The following HPSE2 variants were observed in gnomAD, a reference collection of about 807,000 sequenced individuals.
HPSE2 encodes the protein heparanase 2 (inactive).
In HPSE2, 38 loss-of-function variants were observed where a neutral mutation model predicts 60.5. That is an observed-to-expected ratio of 0.63 (90% CI 0.48 to 0.82). HPSE2 has a LOEUF of 0.82. HPSE2 is among the 40% of genes least tolerant of loss of function. The probability of loss-of-function intolerance (pLI) is 0.00; values close to 1 mark genes in which losing one functional copy is unlikely to be tolerated. For synonymous variants in HPSE2, 295 were observed against 293.2 expected, an observed-to-expected ratio of 1.01 and a Z score of -0.06; for missense variants, 713 against 740.4, an observed-to-expected ratio of 0.96 and a Z score of 0.43.
chr10:99,095,071 C>G (rs994042535), intron 3 of HPSE2, among the ~76,000 whole-genome samples: 2 of 151,756 alleles, frequency 1.3e-5, no homozygotes, highest in Non-Finnish European at 2.9e-5. Context: ...GCCTGTAGTC[C>G]CATCTTAGGG....
chr10:99,264,740 A>C, the HPSE2 span, among the ~76,000 whole-genome samples: 1 of 152,110 alleles, frequency 6.6e-6, no homozygotes, highest in Admixed American at 6.5e-5. Context: ...CTCAATTCAT[A>C]CAAAACTGCC....
At chr10:98,969,848 T>C (rs1955906245) in intron 3 of HPSE2, among the ~76,000 whole-genome samples, 1 of 152,152 alleles carries the variant, frequency 6.6e-6, no homozygotes, top group Non-Finnish European at 1.5e-5. Context: ...GGCACCAGCA[T>C]CTTCTTGGCT....
intron 2 of HPSE2, among the ~76,000 whole-genome samples, chr10:99,203,964 C>T (rs1848660531): frequency 6.6e-6 from 1 of 152,068 alleles, no homozygotes; most frequent in Admixed American, 6.6e-5. Flanking sequence ...CCCTAGAAAC[C>T]CAGGCTATAG....
chr10:98,928,657 C>T (rs1418779230), intron 3 of HPSE2, among the ~76,000 whole-genome samples: 1 of 132,280 alleles, frequency 7.6e-6, no homozygotes, highest in Non-Finnish European at 1.6e-5. Context: ...TACTATGCAG[C>T]CATAAAAATG....
the HPSE2 span, among the ~76,000 whole-genome samples, chr10:99,314,620 C>A: frequency 2.6e-5 from 4 of 152,130 alleles, no homozygotes; most frequent in Admixed American, 1.3e-4. Flanking sequence ...ACAAAACCCG[C>A]GGTATCCCCG....
chr10:98,607,023 T>C (rs1027441131), intron 9 of HPSE2, among the ~76,000 whole-genome samples: 2 of 151,876 alleles, frequency 1.3e-5, no homozygotes, highest in Non-Finnish European at 2.9e-5. Context: ...CATTTCTTTT[T>C]TTCCTCTTCC....
At chr10:98,466,342 G>A (rs1268598535) in intron 11 of HPSE2, among the ~76,000 whole-genome samples, 4 of 152,084 alleles carry the variant, frequency 2.6e-5, no homozygotes, top group Admixed American at 1.3e-4. Flanking sequence ...GGCCAGGTGC[G>A]GTGGCTCACG....
Position 98,895,649 on chromosome 10 carries a change from G to C in HPSE2, c.611-151593C>G, listed in dbSNP as rs573885374. Among the ~76,000 whole-genome samples, 10 of 151,774 alleles carry C rather than the reference G, an allele frequency of 6.6e-5. No individual in the cohort carries two copies. The South Asian group carries it at 2.1e-3, about 32-fold the overall frequency. On this transcript the variant is annotated intron_variant, in intron 3 of 11. Coordinates refer to ENST00000370552, the MANE Select transcript of HPSE2 (RefSeq NM_021828.5). The stretch of plus-strand genomic sequence containing the variant: ...ACTCATGCACATGTATGTTTATTGC[G>C]GCACTATTCACAATAGCAAAGACTT...
chr10:98,891,453 ATTATTT>A (rs971741916), intron 3 of HPSE2, among the ~76,000 whole-genome samples: 6 of 151,980 alleles, frequency 3.9e-5, no homozygotes, highest in Non-Finnish European at 8.8e-5. Flanking sequence ...TATTATTATT[ATTATTT>A]TTAAGTAGAG....
chr10:98,821,303 T>C (rs7071939), intron 3 of HPSE2, among the ~76,000 whole-genome samples: 1,808 of 152,308 alleles, frequency 0.012, 24 homozygotes, highest in African/African-American at 0.041. Flanking sequence ...ACATACCTAG[T>C]TATATGATAT....
rs1849810244 is a variant in HPSE2, at chr10:99,235,534, T to C, written c.269A>G (p.Asp90Gly). 1 of 1,614,094 alleles carries C rather than the reference T, an allele frequency of 6.2e-7. No individual in the cohort carries two copies. Among genetic ancestry groups the C allele is most frequent in the East Asian group, 2.2e-5 (1 of 44,870 alleles). ...SLQLDPSIIH[D>G]GWLDFLSSKR... ...TTACCTTAGGAAATCGAGCCAGCCA[T>C]CATGAATGATGGACGGATCCAGCTG... The change falls in exon 1 of 12, where the codon GAT becomes GGT. Residue 90 changes from aspartate to glycine, a missense_variant. By Grantham distance (94) the Asp-to-Gly change is moderately conservative. Transcript: ENST00000370552.
chr10:99,120,010 G>A (rs1301908324), intron 3 of HPSE2, among the ~76,000 whole-genome samples: 5 of 152,042 alleles, frequency 3.3e-5, no homozygotes, highest in Non-Finnish European at 7.4e-5. Context: ...AACCTAGGCA[G>A]TACCATCCTG....
intron 3 of HPSE2, among the ~76,000 whole-genome samples, chr10:98,979,967 T>C (rs999741385): frequency 1.1e-4 from 16 of 152,190 alleles, no homozygotes; most frequent in South Asian, 2.1e-4. Flanking sequence ...TCCATTTTTG[T>C]ATGGCTTAGT....
At chr10:98,629,712 A>G (rs1946310423) in intron 7 of HPSE2, among the ~76,000 whole-genome samples, 1 of 152,192 alleles carries the variant, frequency 6.6e-6, no homozygotes. Flanking sequence ...AAGAACCTTC[A>G]GTGGTTCCCT....
At chr10:99,049,682 A>T (rs762425714) in intron 3 of HPSE2, among the ~76,000 whole-genome samples, 31 of 152,138 alleles carry the variant, frequency 2.0e-4, no homozygotes, top group Admixed American at 9.2e-4. Flanking sequence ...GTATACTACA[A>T]ATGCAAGGGT....
chr10:99,174,683 G>A (rs1418553083), intron 2 of HPSE2, among the ~76,000 whole-genome samples: 1 of 152,132 alleles, frequency 6.6e-6, no homozygotes, highest in Non-Finnish European at 1.5e-5. Flanking sequence ...AAATTCATAC[G>A]TTGAAGCCCT....
intron 9 of HPSE2, among the ~76,000 whole-genome samples, chr10:98,603,578 C>CA (rs1006805960): frequency 6.6e-6 from 1 of 151,838 alleles, no homozygotes; most frequent in Non-Finnish European, 1.5e-5. Flanking sequence ...TACAGGCACA[C>CA]ACCACCATGC....
intron 2 of HPSE2, among the ~76,000 whole-genome samples, chr10:99,231,190 C>T (rs529244596): frequency 4.5e-4 from 68 of 152,284 alleles, no homozygotes; most frequent in Non-Finnish European, 7.2e-4. Flanking sequence ...GAAATACATT[C>T]CAATACCTCT....
intron 3 of HPSE2, among the ~76,000 whole-genome samples, chr10:98,790,736 C>G (rs1342528478): frequency 6.6e-6 from 1 of 152,018 alleles, no homozygotes; most frequent in Non-Finnish European, 1.5e-5. Context: ...TCACATTGTA[C>G]TGGAGTGTGG....
Sources: allele counts gnomAD v4.1 joint callset (sites outside exome capture counted in the v4.1 genomes callset), GRCh38; gene constraint gnomAD v4.1.1; transcripts MANE v1.5; gene names NCBI Gene and HGNC (gene_info 2026-07-23, HGNC 2026-07-21).